The following RABGAP1L variants were observed in gnomAD, a reference collection of about 807,000 sequenced individuals.
RABGAP1L encodes rab GTPase-activating protein 1-like.
RABGAP1L carries 63 observed loss-of-function variants against 137.7 expected under a neutral mutation model. The observed-to-expected ratio is 0.46, with a 90% CI of 0.37 to 0.56. The LOEUF (loss-of-function observed/expected upper bound fraction) is 0.56. Among genes scored for constraint, RABGAP1L ranks in the 20% least tolerant of loss-of-function variants. The pLI is 0.00. For synonymous variants in RABGAP1L, 431 were observed against 433.7 expected (o/e 0.99, Z 0.08); for missense variants, 1,095 against 1,244.0 (o/e 0.88, Z 1.80).
chr1:174,572,570 A>G (rs1304287097), intron 13 of RABGAP1L, among the ~76,000 whole-genome samples: 1 of 151,994 alleles, frequency 6.6e-6, no homozygotes, highest in Non-Finnish European at 1.5e-5. Flanking sequence ...TTTAGTAGAG[A>G]CGGGGTTTCA....
At chr1:174,441,431 A>C (rs1277951112) in intron 13 of RABGAP1L, among the ~76,000 whole-genome samples, 1 of 152,082 alleles carries the variant, frequency 6.6e-6, no homozygotes, top group African/African-American at 2.4e-5. Context: ...TAAGAAAGAA[A>C]AGTAAGGAAG....
rs528314351 is a variant in RABGAP1L, at chr1:174,465,419, C to T, written c.1710+71274C>T. ...TTCACCACATTGGCCAGGCTGGTTT[C>T]GAACTGCTGACCTCAGGCGATCCAC... On this transcript the variant is annotated intron_variant, in intron 13 of 25. Coordinates refer to ENST00000681986, the MANE Select transcript of RABGAP1L (RefSeq NM_001366446.1). 4.5e-4 allele frequency among the ~76,000 whole-genome samples: 68 copies of T among 152,164 alleles called. No homozygotes were observed. The East Asian group carries it at 0.012, about 27-fold the overall frequency.
chr1:174,441,855 TTGG>T (rs1458247080), intron 13 of RABGAP1L, among the ~76,000 whole-genome samples: 1 of 150,752 alleles, frequency 6.6e-6, no homozygotes, highest in African/African-American at 2.4e-5. Context: ...TTTTTTAAAG[TTGG>T]TGGAAAGAAA....
At chr1:174,653,160 A>C (rs946193678) in intron 14 of RABGAP1L, among the ~76,000 whole-genome samples, 1 of 152,140 alleles carries the variant, frequency 6.6e-6, no homozygotes, top group Non-Finnish European at 1.5e-5. Flanking sequence ...ACCAAGCTGG[A>C]GTAACCCAGG....
At chr1:174,612,415 C>A (rs562035098) in intron 13 of RABGAP1L, among the ~76,000 whole-genome samples, 35 of 152,198 alleles carry the variant, frequency 2.3e-4, no homozygotes, top group African/African-American at 8.2e-4. Context: ...CCCACTTGAT[C>A]ATGGTGGATA....
At chr1:174,884,395 C>G (rs1229502470) in intron 19 of RABGAP1L, among the ~76,000 whole-genome samples, 1 of 152,074 alleles carries the variant, frequency 6.6e-6, no homozygotes, top group Non-Finnish European at 1.5e-5. Context: ...AAAATCAATA[C>G]TGTTATTTCT....
chr1:174,681,588 G>A (rs1349267600), intron 14 of RABGAP1L, among the ~76,000 whole-genome samples: 2 of 152,154 alleles, frequency 1.3e-5, no homozygotes, highest in Non-Finnish European at 2.9e-5. Context: ...GAGGCATGGG[G>A]GAACATTCTG....
At chr1:174,407,866 G>T (rs186836608) in intron 13 of RABGAP1L, among the ~76,000 whole-genome samples, 1 of 152,148 alleles carries the variant, frequency 6.6e-6, no homozygotes, top group Admixed American at 6.5e-5. Flanking sequence ...TGAGAACCAT[G>T]ATCACTTTTT....
chr1:174,417,110 C>T (rs1251606325), intron 13 of RABGAP1L, among the ~76,000 whole-genome samples: 2 of 152,078 alleles, frequency 1.3e-5, no homozygotes, highest in Non-Finnish European at 2.9e-5. Context: ...TACTTTTGCA[C>T]CAGCCTAGTA....
intron 12 of RABGAP1L, among the ~76,000 whole-genome samples, chr1:174,377,421 T>A (rs1479735464): frequency 6.6e-6 from 1 of 152,122 alleles, no homozygotes; most frequent in African/African-American, 2.4e-5. Context: ...AAGAACACAA[T>A]GGAAAGGCAT....
chr1:174,650,947 T>C (rs1008498264), intron 14 of RABGAP1L, among the ~76,000 whole-genome samples: 1 of 146,484 alleles, frequency 6.8e-6, no homozygotes, highest in East Asian at 2.0e-4. Flanking sequence ...TTTTGGATCT[T>C]TCCTGCTTTC....
At chr1:174,432,928 A>T (rs1652819625) in intron 13 of RABGAP1L, among the ~76,000 whole-genome samples, 1 of 152,210 alleles carries the variant, frequency 6.6e-6, no homozygotes, top group Non-Finnish European at 1.5e-5. Context: ...TAATTTCCAA[A>T]ACTCAGCATG....
At chr1:174,607,967 T>C (rs1482007376) in intron 13 of RABGAP1L, among the ~76,000 whole-genome samples, 1 of 152,196 alleles carries the variant, frequency 6.6e-6, no homozygotes, top group Admixed American at 6.5e-5. Flanking sequence ...AACAATGAGA[T>C]AATTTGTTTC....
At chr1:174,688,317 A>C (rs908106664) in intron 15 of RABGAP1L, among the ~76,000 whole-genome samples, 2 of 152,112 alleles carry the variant, frequency 1.3e-5, no homozygotes, top group African/African-American at 2.4e-5. Flanking sequence ...TTTTAATTGA[A>C]CATGTACCTT....
chr1:174,812,591 A>G (rs890353742), intron 19 of RABGAP1L, among the ~76,000 whole-genome samples: 9 of 152,234 alleles, frequency 5.9e-5, no homozygotes, highest in Admixed American at 3.3e-4. Flanking sequence ...TTACCTAACC[A>G]TAACGTAAAT....
At chr1:174,853,599 C>T (rs561794949) in intron 19 of RABGAP1L, among the ~76,000 whole-genome samples, 6 of 152,194 alleles carry the variant, frequency 3.9e-5, no homozygotes, top group Non-Finnish European at 7.4e-5. Flanking sequence ...GGCATGGTGG[C>T]GCACACCTGT....
intron 1 of RABGAP1L, among the ~76,000 whole-genome samples, chr1:174,168,043 T>A (rs1665049532): frequency 6.6e-6 from 1 of 152,088 alleles, no homozygotes; most frequent in Non-Finnish European, 1.5e-5. Context: ...GGCAGGCAGA[T>A]CACTTGAGGC....
chr1:174,468,642 C>A (rs1471116525), intron 13 of RABGAP1L, among the ~76,000 whole-genome samples: 1 of 152,154 alleles, frequency 6.6e-6, no homozygotes, highest in Admixed American at 6.5e-5. Context: ...TAATATTGAG[C>A]ATTATATCCC....
intron 1 of RABGAP1L, among the ~76,000 whole-genome samples, chr1:174,162,771 C>CTTTTT (rs1664584682): frequency 4.9e-5 from 2 of 40,792 alleles, no homozygotes; most frequent in African/African-American, 9.3e-5. Context: ...TTTTTTTTCT[C>CTTTTT]TTTCTGTTTT....
Sources: allele counts gnomAD v4.1 joint callset (sites outside exome capture counted in the v4.1 genomes callset), GRCh38; gene constraint gnomAD v4.1.1; transcripts MANE v1.5; gene names NCBI Gene and HGNC (gene_info 2026-07-23, HGNC 2026-07-21).